Variants in MME observed in about 807,000 individuals in gnomAD.
MME encodes the protein membrane metalloendopeptidase, also known as neprilysin.
Under a neutral mutation model 113.2 loss-of-function variants are expected in MME, and 98 were observed. The observed-to-expected ratio is 0.87, with a 90% CI of 0.74 to 1.02. The LOEUF (loss-of-function observed/expected upper bound fraction) is 1.02, where lower values mean the gene tolerates loss of function less well. MME is among the 50% of genes least tolerant of loss of function. The pLI is 0.00. For synonymous variants in MME, 292 were observed against 300.6 expected (o/e 0.97, Z 0.30); for missense variants, 836 against 896.0 (o/e 0.93, Z 0.86).
At chr3:155,089,764 G>C (rs1716115570) in intron 3 of MME, 1 of 393,978 alleles carries the variant, frequency 2.5e-6, no homozygotes, top group Non-Finnish European at 5.3e-6. Context: ...GATCACTTGA[G>C]GTCGGGAGTT....
intron 7 of MME, among the ~76,000 whole-genome samples, chr3:155,118,349 A>C (rs1442062697): frequency 1.3e-5 from 2 of 152,236 alleles, no homozygotes; most frequent in Non-Finnish European, 2.9e-5. Flanking sequence ...GCAGATGAGA[A>C]TGTTCCCAGG....
At chr3:155,038,628 G>A (rs1713206919) in intron 1 of MME, among the ~76,000 whole-genome samples, 1 of 152,134 alleles carries the variant, frequency 6.6e-6, no homozygotes, top group Non-Finnish European at 1.5e-5. Context: ...TGAGGAATAT[G>A]CTCCAAGACC....
At chr3:155,099,960 C>T (rs1717062177) in intron 3 of MME, among the ~76,000 whole-genome samples, 1 of 151,996 alleles carries the variant, frequency 6.6e-6, no homozygotes, top group Non-Finnish European at 1.5e-5. Flanking sequence ...TCAAGAAAAC[C>T]GAGGCAATAC....
intron 1 of MME, among the ~76,000 whole-genome samples, chr3:155,064,176 G>C (rs1205660291): frequency 1.3e-5 from 2 of 151,922 alleles, no homozygotes; most frequent in African/African-American, 2.4e-5. Context: ...GTAATCCCAG[G>C]TAGTCGGGAG....
chr3:155,026,799 T>C (rs891268764), intron 1 of MME, among the ~76,000 whole-genome samples: 3 of 152,232 alleles, frequency 2.0e-5, no homozygotes, highest in Admixed American at 1.3e-4. Flanking sequence ...CCAGCTATCC[T>C]AGTATCTGAG....
chr3:155,086,718 CCT>C (rs980845225), intron 3 of MME, among the ~76,000 whole-genome samples: 18 of 152,154 alleles, frequency 1.2e-4, no homozygotes, highest in Admixed American at 1.0e-3. Flanking sequence ...AGATTCTAAA[CCT>C]CCTTTCTAAC....
intron 22 of MME, among the ~76,000 whole-genome samples, chr3:155,180,062 C>T (rs1398498131): frequency 6.6e-6 from 1 of 152,156 alleles, no homozygotes; most frequent in African/African-American, 2.4e-5. Flanking sequence ...CTCTCCATGA[C>T]AACCTTAAGA....
At chr3:155,165,094 A>C (rs1365335342) in intron 17 of MME, among the ~76,000 whole-genome samples, 1 of 152,160 alleles carries the variant, frequency 6.6e-6, no homozygotes, top group African/African-American at 2.4e-5. Context: ...CTGCATAGCA[A>C]TGACCCAGGG....
intron 1 of MME, among the ~76,000 whole-genome samples, chr3:155,049,808 G>GT (rs1358667251): frequency 5.3e-5 from 8 of 152,000 alleles, no homozygotes; most frequent in Non-Finnish European, 1.0e-4. Context: ...GACAGAAATT[G>GT]TTTTTACCTT....
intron 17 of MME, among the ~76,000 whole-genome samples, chr3:155,161,667 C>G (rs1362515638): frequency 6.6e-6 from 1 of 152,094 alleles, no homozygotes; most frequent in African/African-American, 2.4e-5. Context: ...CTGAATCCAT[C>G]TGGAATTTAC....
At chr3:155,125,391 G>T (rs1043011967) in intron 8 of MME, among the ~76,000 whole-genome samples, 3 of 147,734 alleles carry the variant, frequency 2.0e-5, no homozygotes, top group Non-Finnish European at 1.5e-5. Flanking sequence ...CGTTGCTCAC[G>T]CTGGGAGCTG....
intron 3 of MME, among the ~76,000 whole-genome samples, chr3:155,093,624 G>C (rs1483250227): frequency 6.6e-6 from 1 of 152,234 alleles, no homozygotes; most frequent in East Asian, 1.9e-4. Flanking sequence ...TTGGGAGGCC[G>C]AGGCAGGTGG....
At chr3:155,168,658 G>A in intron 19 of MME, 33 bp downstream of exon 19, 1 of 1,613,548 alleles carries the variant, frequency 6.2e-7, no homozygotes, top group Non-Finnish European at 8.5e-7. Flanking sequence ...AAAAGTTTTA[G>A]ACATGTTCAA....
At chr3:155,038,530 T>C (rs1431812903) in intron 1 of MME, among the ~76,000 whole-genome samples, 4 of 152,140 alleles carry the variant, frequency 2.6e-5, no homozygotes, top group African/African-American at 4.8e-5. Flanking sequence ...CTATCCTTAT[T>C]GAGCAACTAG....
chr3:155,176,362 A>AT (rs1712516105), intron 22 of MME, among the ~76,000 whole-genome samples: 1 of 152,218 alleles, frequency 6.6e-6, no homozygotes, highest in South Asian at 2.1e-4. Flanking sequence ...TCACCTTAAG[A>AT]AATAATTAAT....
chr3:155,032,415 G>A (rs1713001030), intron 1 of MME, among the ~76,000 whole-genome samples: 1 of 152,134 alleles, frequency 6.6e-6, no homozygotes. Context: ...CAAAACCTCA[G>A]TAAAAAGTAA....
chr3:155,112,035 C>T (rs1192243473), intron 3 of MME, among the ~76,000 whole-genome samples: 1 of 151,732 alleles, frequency 6.6e-6, no homozygotes, highest in Non-Finnish European at 1.5e-5. Context: ...GAGGGAATTG[C>T]TTTTTCTCTC....
chr3:155,155,940 G>A lies in MME; in HGVS notation c.1602-4450G>A, dbSNP rs1286099690. ...CACACAAACAACTGGTAACATCTAGGAAAACAGTAGTAATTTTCCATTACC... is the reference window on the plus strand; with the variant it reads ...CACACAAACAACTGGTAACATCTAGAAAAACAGTAGTAATTTTCCATTACC... On this transcript the variant is annotated intron_variant, in intron 16 of 22. Transcript: ENST00000360490. Among the ~76,000 whole-genome samples, 4 of 152,310 alleles carry A rather than the reference G, an allele frequency of 2.6e-5. No individual in the cohort carries two copies. In the East Asian group the frequency reaches 7.7e-4, roughly 29 times the overall value.
intron 18 of MME, among the ~76,000 whole-genome samples, chr3:155,168,093 T>G (rs1711527455): frequency 6.6e-6 from 1 of 152,204 alleles, no homozygotes; most frequent in Non-Finnish European, 1.5e-5. Context: ...GTCCACAGTG[T>G]CCTATGAAGG....
Sources: allele counts gnomAD v4.1 joint callset (sites outside exome capture counted in the v4.1 genomes callset), GRCh38; gene constraint gnomAD v4.1.1; transcripts MANE v1.5; gene names NCBI Gene and HGNC (gene_info 2026-07-23, HGNC 2026-07-21).